UGGT1: variants seen among roughly 807,000 people sequenced by gnomAD.
UGGT1 encodes the protein UDP-glucose glycoprotein glucosyltransferase 1, also known as UDP-glucose:glycoprotein glucosyltransferase 1.
UGGT1 carries 107 observed loss-of-function variants against 203.9 expected under a neutral mutation model. The ratio of observed to expected loss-of-function variants is 0.52; its 90% CI spans 0.45 to 0.62. The LOEUF (loss-of-function observed/expected upper bound fraction) is 0.62. Among genes scored for constraint, UGGT1 ranks in the 20% least tolerant of loss-of-function variants. The pLI is 0.00. For missense variants in UGGT1, 1,673 were observed against 1,867.2 expected (o/e 0.90, Z 1.92); for synonymous variants, 628 against 653.5 (o/e 0.96, Z 0.59).
intron 26 of UGGT1, among the ~76,000 whole-genome samples, chr2:128,166,388 G>T (rs911178524): frequency 6.6e-6 from 1 of 152,166 alleles, no homozygotes; most frequent in Non-Finnish European, 1.5e-5. Context: ...GACGTTTTCC[G>T]CATGTGTATC....
At chr2:128,156,352 G>T (rs1425341820) in intron 20 of UGGT1, 40 bp from the exon 21 acceptor site, 1 of 1,515,378 alleles carries the variant, frequency 6.6e-7, no homozygotes, top group East Asian at 2.3e-5. Context: ...TTCCAGAAAT[G>T]ATACTTTTTT....
At chr2:128,164,409 G>GT (rs1690679294) in intron 25 of UGGT1, among the ~76,000 whole-genome samples, 1 of 152,142 alleles carries the variant, frequency 6.6e-6, no homozygotes, top group Non-Finnish European at 1.5e-5. Context: ...AAAAGTAATA[G>GT]TTTTAAAAGG....
intron 36 of UGGT1, 67 bp downstream of exon 36, chr2:128,181,139 C>A (rs1691670887): frequency 4.9e-6 from 7 of 1,441,036 alleles, no homozygotes; most frequent in Admixed American, 2.1e-5. Context: ...TTTTTAAATG[C>A]TATTTTTTCC....
chr2:128,159,353 C>CT (rs1690405678), intron 22 of UGGT1, among the ~76,000 whole-genome samples, 161 bp from the exon 23 acceptor site: 1 of 152,040 alleles, frequency 6.6e-6, no homozygotes, highest in Non-Finnish European at 1.5e-5. Context: ...CCCGCTTTGG[C>CT]TTTCCAAAGT....
At chr2:128,168,258 G>T (rs1690895216) in intron 26 of UGGT1, among the ~76,000 whole-genome samples, 1 of 152,210 alleles carries the variant, frequency 6.6e-6, no homozygotes, top group South Asian at 2.1e-4. Context: ...CACACTTTGA[G>T]AACAGTTGTA....
intron 5 of UGGT1, among the ~76,000 whole-genome samples, chr2:128,110,601 T>G (rs1283483013): frequency 5.3e-5 from 8 of 152,190 alleles, no homozygotes; most frequent in Non-Finnish European, 1.2e-4. Flanking sequence ...AAAACTTTAA[T>G]TTGCTACAAC....
intron 10 of UGGT1, 121 bp from the exon 11 acceptor site, chr2:128,123,065 G>GT: frequency 3.1e-6 from 2 of 652,412 alleles, no homozygotes; most frequent in South Asian, 6.4e-5. Context: ...AAAATTTAAG[G>GT]TTTTTCCCAT....
At chr2:128,160,904 T>G (rs909162039) in intron 24 of UGGT1, among the ~76,000 whole-genome samples, 8 of 152,232 alleles carry the variant, frequency 5.3e-5, no homozygotes, top group African/African-American at 1.9e-4. Context: ...GAAAACTACT[T>G]TACGATTTTA....
At chr2:128,109,798 T>C in intron 5 of UGGT1, 52 bp downstream of exon 5, 1 of 1,463,672 alleles carries the variant, frequency 6.8e-7, no homozygotes, top group Non-Finnish European at 9.6e-7. Context: ...GTGCTGCTTC[T>C]GCATTTGGTC....
intron 25 of UGGT1, among the ~76,000 whole-genome samples, chr2:128,162,238 A>T (rs1233878990): frequency 1.3e-5 from 2 of 149,572 alleles, no homozygotes; most frequent in Admixed American, 6.7e-5. Flanking sequence ...TGTCGTTGAG[A>T]TGTAGCAGTT....
In UGGT1 at chr2:128,171,375, G is replaced by A. The variant is rs1691093909; in HGVS notation, c.3104+91G>A. 9 of 1,193,794 alleles carry A rather than the reference G, an allele frequency of 7.5e-6. No homozygotes were observed. In the South Asian group the frequency reaches 1.1e-4, roughly 15 times the overall value. 74.0% of individuals were successfully genotyped at this position (1,193,794 alleles called of 1,614,324 possible). ...GTTAGAGGATCAGATGGATTTATAG[G>A]TGGACATCATGTTTGAAATGGTCAT... is the stretch of plus-strand genomic sequence containing the variant. On this transcript the variant is annotated intron_variant, in intron 28 of 40. Coordinates refer to ENST00000259253, the MANE Select transcript of UGGT1 (RefSeq NM_020120.4).
At chr2:128,112,007 G>A (rs1243671391) in intron 5 of UGGT1, among the ~76,000 whole-genome samples, 2 of 151,302 alleles carry the variant, frequency 1.3e-5, no homozygotes, top group African/African-American at 4.9e-5. Flanking sequence ...GCATGATGTC[G>A]TGCACCTGTA....
Position 128,190,498 on chromosome 2 carries a change from T to G in UGGT1, c.*756T>G, listed in dbSNP as rs981694550. 4 of 152,174 alleles carry G rather than the reference T, an allele frequency of 2.6e-5. No individual in the cohort carries two copies. Among genetic ancestry groups the G allele is most frequent in the African/African-American group, 9.7e-5 (4 of 41,438 alleles). The allele number at this position is 152,174 out of a possible 1,614,324, so 9.4% of individuals were successfully genotyped here. ...CCATGGCTCATTTGAAATGAAAATA[T>G]TACACTTATTCCCCACCCAACCGCA... is the stretch of plus-strand genomic sequence containing the variant. On this transcript the variant is annotated 3_prime_UTR_variant, in exon 41 of 41. Coordinates refer to ENST00000259253, the MANE Select transcript of UGGT1 (RefSeq NM_020120.4).
chr2:128,172,304 T>C (rs949486309), intron 28 of UGGT1, among the ~76,000 whole-genome samples: 1 of 152,126 alleles, frequency 6.6e-6, no homozygotes, highest in Non-Finnish European at 1.5e-5. Context: ...AGAGTACCTG[T>C]TACTAGAAGG....
intron 18 of UGGT1, chr2:128,151,319 G>A (rs189292963): frequency 3.9e-4 from 219 of 563,056 alleles, no homozygotes; most frequent in African/African-American, 3.8e-3. Context: ...ACCTTCACAG[G>A]CAGACATGGC....
At chr2:128,135,064 G>A in intron 15 of UGGT1, 103 bp downstream of exon 15, 3 of 970,440 alleles carry the variant, frequency 3.1e-6, no homozygotes, top group East Asian at 2.6e-5. Context: ...ATAATTAATA[G>A]TGCACATCAC....
In UGGT1 at chr2:128,091,265, C is replaced by G. The variant is rs1205838148; in HGVS notation, c.-93C>G. ...CCGCGGGAAAGGCGCGTGTCGGCCT[C>G]TCACTGGCGCAGCCTGCACTGCCGC... On this transcript the variant is annotated 5_prime_UTR_variant, in exon 1 of 41. Transcript: ENST00000259253. The G allele has an allele frequency of 1.0e-5, 14 of 1,335,550 alleles. 1 individual carries two copies. The African/African-American group carries it at 1.7e-4, about 16-fold the overall frequency. 82.7% of individuals were successfully genotyped at this position (1,335,550 alleles called of 1,614,324 possible). A position where few individuals can be genotyped will look rare whatever the true frequency, so the allele number is the denominator to read the frequency against.
chr2:128,194,048 T>G lies in UGGT1; in HGVS notation c.*4306T>G, dbSNP rs1478122812. 1 of 151,688 alleles carries G rather than the reference T, an allele frequency of 6.6e-6. No individual in the cohort carries two copies. The highest frequency in any genetic ancestry group is 2.4e-5 in the African/African-American group (1 of 41,272). The allele number at this position is 151,688 out of a possible 1,614,324, so 9.4% of individuals were successfully genotyped here. A position where few individuals can be genotyped will look rare whatever the true frequency, so the allele number is the denominator to read the frequency against. On this transcript the variant is annotated 3_prime_UTR_variant, in exon 41 of 41. Transcript: ENST00000259253. ...TTCTCTTGGTAACAAAAATGGAGGG[T>G]GTATTATGTGCAGTTATTTAAATAT...
In UGGT1 at chr2:128,129,080, A is replaced by T. The variant is rs570577436; in HGVS notation, c.1278A>T (p.Arg426Ser). 6.2e-7 allele frequency: 1 copy of T among 1,613,876 alleles called. No individual in the cohort carries two copies. Among genetic ancestry groups the T allele is most frequent in the Non-Finnish European group, 8.5e-7 (1 of 1,179,980 alleles). The change falls in exon 13 of 41, where the codon AGA becomes AGT. Residue 426 changes from arginine (R) to serine (S), a missense_variant. This residue lies in a region of UGGT1 where 1,073 missense variants were observed against 1,078.7 expected (regional missense o/e 0.99). Transcript: ENST00000259253. Reference sequence around the variant, plus strand: ...CTCGGGTAATGGAGGGTCTGCATAGATTGGGAATAGAAGGCCTTTCTCTGC... The same window carrying T: ...CTCGGGTAATGGAGGGTCTGCATAGTTTGGGAATAGAAGGCCTTTCTCTGC... ...NEARVMEGLH[R>S]LGIEGLSLHN...
Sources: allele counts gnomAD v4.1 joint callset (sites outside exome capture counted in the v4.1 genomes callset), GRCh38; gene constraint gnomAD v4.1.1; regional missense constraint gnomAD v4.1.1; transcripts MANE v1.5; gene names NCBI Gene and HGNC (gene_info 2026-07-23, HGNC 2026-07-21).